Variants in BPGM observed in about 807,000 individuals in gnomAD.
BPGM encodes bisphosphoglycerate mutase, also known as 2,3-bisphosphoglycerate mutase, erythrocyte.
BPGM carries 15 observed loss-of-function variants against 21.6 expected under a neutral mutation model. The observed-to-expected ratio is 0.70, with a 90% CI of 0.47 to 1.07. BPGM has a LOEUF of 1.07. BPGM is among the 50% of genes least tolerant of loss of function. The probability of loss-of-function intolerance (pLI) is 0.00; values close to 1 mark genes in which losing one functional copy is unlikely to be tolerated. For missense variants in BPGM, 273 were observed against 319.0 expected (o/e 0.86, Z 1.10); for synonymous variants, 113 against 116.2 (o/e 0.97, Z 0.18).
chr7:134,668,365 CTTTG>C (rs139975906), intron 2 of BPGM, among the ~76,000 whole-genome samples: 1,840 of 152,278 alleles, frequency 0.012, 54 homozygotes, highest in African/African-American at 0.042. Flanking sequence ...TTGACCTATT[CTTTG>C]TTTGGAATAC....
chr7:134,662,790 TCAG>T (rs543485193), intron 2 of BPGM, among the ~76,000 whole-genome samples: 79 of 152,308 alleles, frequency 5.2e-4, no homozygotes, highest in South Asian at 1.2e-3. Context: ...AATTTGGAAA[TCAG>T]CAGCAGCCAT....
chr7:134,658,902 TA>T (rs1188641449), intron 1 of BPGM, among the ~76,000 whole-genome samples: 1 of 151,572 alleles, frequency 6.6e-6, no homozygotes, highest in Non-Finnish European at 1.5e-5. Context: ...ATTTTTTTTT[TA>T]GTAAAAAGAA....
At position 134,679,027 on chromosome 7, in the gene BPGM, A is replaced by C. The variant is rs1453059441; in HGVS notation, c.776A>C (p.Lys259Thr). 2.5e-6 allele frequency: 4 copies of C among 1,614,168 alleles called. No individual in the cohort carries two copies. The East Asian group carries it at 8.9e-5, about 36-fold the overall frequency. The change falls in exon 3 of 3, where the codon AAA becomes ACA. Residue 259 changes from lysine to threonine, a missense_variant. Transcript: ENST00000344924. ...CAAGGAAAAGTGAAACAAGCTAAAA[A>C]ATAGTCTTTCTCAACTGTTGGCTAA... is the stretch of plus-strand genomic sequence containing the variant. The part of the protein sequence containing the change: ...EDQGKVKQAK[K>T]
At chr7:134,669,798 T>C (rs1554412618) in intron 2 of BPGM, among the ~76,000 whole-genome samples, 1 of 152,182 alleles carries the variant, frequency 6.6e-6, no homozygotes, top group Non-Finnish European at 1.5e-5. Flanking sequence ...CAGAATATTA[T>C]ATAGTAAAAA....
chr7:134,677,484 G>A (rs964626594), intron 2 of BPGM, among the ~76,000 whole-genome samples: 5 of 152,128 alleles, frequency 3.3e-5, no homozygotes, highest in Admixed American at 6.5e-5. Context: ...AGGCCTTGAC[G>A]TGAAATTCTA....
In BPGM at chr7:134,663,136, A is replaced by G. The variant is rs535884861; in HGVS notation, c.601+1028A>G. On this transcript the variant is annotated intron_variant, in intron 2 of 2. Transcript: ENST00000344924. ...CGTTTTCATTCTGCTTTAATTTTCT[A>G]TAAGAGGCTGTGACAAATAAAAAGG... Among the ~76,000 whole-genome samples, 9 of 152,320 alleles carry G rather than the reference A, an allele frequency of 5.9e-5. No homozygotes were observed. The South Asian group carries it at 6.2e-4, about 11-fold the overall frequency.
In BPGM at chr7:134,674,286, A is replaced by G. The variant is rs79322787; in HGVS notation, c.602-4567A>G. Among the ~76,000 whole-genome samples, 398 of 152,330 alleles carry G rather than the reference A, an allele frequency of 2.6e-3. 2 individuals are homozygous for G. The highest frequency in any genetic ancestry group is 0.01 in the South Asian group (50 of 4,824). On this transcript the variant is annotated intron_variant, in intron 2 of 2. Transcript: ENST00000344924. ...TGCAATTCGCCATTTAAAGTATACA[A>G]TTAAATGGCTTTTAGTGTATTCACA...
At chr7:134,662,409 T>C (rs1049019707) in intron 2 of BPGM, among the ~76,000 whole-genome samples, 1 of 152,220 alleles carries the variant, frequency 6.6e-6, no homozygotes, top group Non-Finnish European at 1.5e-5. Flanking sequence ...GGGCGCACCC[T>C]GAGAATCTGC....
chr7:134,666,367 C>T (rs1795821673), intron 2 of BPGM, among the ~76,000 whole-genome samples: 1 of 151,910 alleles, frequency 6.6e-6, no homozygotes, highest in Non-Finnish European at 1.5e-5. Context: ...CATGGGCTGC[C>T]AGAGAGGGAG....
chr7:134,674,069 C>T (rs867764627), intron 2 of BPGM, among the ~76,000 whole-genome samples: 6 of 152,058 alleles, frequency 3.9e-5, no homozygotes, highest in South Asian at 2.1e-4. Context: ...TCCACCACCA[C>T]GCCTGGCTAA....
At chr7:134,654,204 T>G (rs950398268) in intron 1 of BPGM, among the ~76,000 whole-genome samples, 1 of 152,192 alleles carries the variant, frequency 6.6e-6, no homozygotes, top group Non-Finnish European at 1.5e-5. Context: ...GGCCTAGCAT[T>G]GGGCCATGCC....
chr7:134,661,603 C>T lies in BPGM; in HGVS notation c.96C>T (p.Ser32=), dbSNP rs112563385. 6 of 1,614,034 alleles carry T rather than the reference C, an allele frequency of 3.7e-6. 1 individual carries two copies. The highest frequency in any genetic ancestry group is 2.2e-5 in the South Asian group (2 of 91,080). Reference sequence around the variant, plus strand: ...GCTGGGTGGATCAGAAACTCAACAGCGAAGGAATGGAGGAAGCTCGGAACT... The same window carrying T: ...GCTGGGTGGATCAGAAACTCAACAGTGAAGGAATGGAGGAAGCTCGGAACT... The part of the protein sequence containing the change: ...FCSWVDQKLN[S]EGMEEARNCG... Residue 32 remains serine, a synonymous_variant, in exon 2 of 3, where the codon AGC becomes AGT. Coordinates refer to ENST00000344924, the MANE Select transcript of BPGM (RefSeq NM_001724.5). This position sits in a 1 kb window ranked among gnomAD's most constrained non-coding sequence, Gnocchi z 4.6.
chr7:134,654,294 A>G (rs559476685), intron 1 of BPGM, among the ~76,000 whole-genome samples: 1 of 152,348 alleles, frequency 6.6e-6, no homozygotes, highest in Admixed American at 6.5e-5. Flanking sequence ...CTTTCAATTT[A>G]TGAGTCATCC....
rs971423456 is a variant in BPGM at position 134,665,709 on chromosome 7, C to T, written c.601+3601C>T. ...GACCACTGGGGCAGAAGTGGACTTA[C>T]AGGGCTCATTGGGAAATAAGCAGGC... On this transcript the variant is annotated intron_variant, in intron 2 of 2. Coordinates refer to ENST00000344924, the MANE Select transcript of BPGM (RefSeq NM_001724.5). Among the ~76,000 whole-genome samples the T allele has an allele frequency of 4.2e-5, 6 of 143,170 alleles. No individual in the cohort carries two copies. The Admixed American group carries it at 4.4e-4, about 11-fold the overall frequency. 93.9% of individuals were successfully genotyped at this position (143,170 alleles called of 152,430 possible). A position where few individuals can be genotyped will look rare whatever the true frequency, so the allele number is the denominator to read the frequency against.
At chr7:134,671,586 C>T (rs924126944) in intron 2 of BPGM, among the ~76,000 whole-genome samples, 2 of 152,066 alleles carry the variant, frequency 1.3e-5, no homozygotes, top group African/African-American at 4.8e-5. Flanking sequence ...AGGATGGCCT[C>T]GATCTCCTGA....
chr7:134,648,144 T>TTTG (rs1365275664), intron 1 of BPGM, among the ~76,000 whole-genome samples: 4 of 107,232 alleles, frequency 3.7e-5, no homozygotes, highest in South Asian at 3.2e-4. Context: ...TTTTTTTTTG[T>TTTG]TTTGTTTTCA....
In BPGM at chr7:134,662,208, C is replaced by T. The variant is rs997468429; in HGVS notation, c.601+100C>T. The T allele has an allele frequency of 3.1e-5, 44 of 1,439,830 alleles. 1 individual carries two copies. In the African/African-American group the frequency reaches 5.1e-4, roughly 17 times the overall value. The allele number at this position is 1,439,830 out of a possible 1,614,324, so 89.2% of individuals were successfully genotyped here. ...TGAGGCCCTATTTACACAATAGACT[C>T]CTCTATCCCCCTTTGTCACTTCAGA... On this transcript the variant is annotated intron_variant, in intron 2 of 2. Coordinates refer to ENST00000344924, the MANE Select transcript of BPGM (RefSeq NM_001724.5).
At chr7:134,648,830 T>A (rs778473934) in intron 1 of BPGM, among the ~76,000 whole-genome samples, 58 of 152,188 alleles carry the variant, frequency 3.8e-4, no homozygotes, top group Non-Finnish European at 6.6e-4. Context: ...AAAGCAGATG[T>A]TGCATTAAAT....
At chr7:134,672,248 T>C (rs1165684578) in intron 2 of BPGM, among the ~76,000 whole-genome samples, 2 of 151,878 alleles carry the variant, frequency 1.3e-5, no homozygotes, top group East Asian at 3.9e-4. Context: ...AGGCAGACTT[T>C]AAGTATTTAA....
Sources: gnomAD v4.1 joint callset for allele counts (sites outside exome capture counted in the v4.1 genomes callset) on GRCh38, gnomAD v4.1.1 for gene constraint, Gnocchi (gnomAD v3.1) non-coding constraint, MANE v1.5 for transcripts, NCBI Gene and HGNC (gene_info 2026-07-23, HGNC 2026-07-21) for gene names.